The following FLNB variants were observed in gnomAD, a reference collection of about 807,000 sequenced individuals.
The protein encoded by FLNB is filamin-B.
A neutral mutation model predicts 250.6 loss-of-function variants in FLNB; 111 were observed. That is an observed-to-expected ratio of 0.44 (90% CI 0.38 to 0.52). The LOEUF is 0.52. FLNB is among the 20% of genes least tolerant of loss of function. The pLI, the probability that FLNB is intolerant of heterozygous loss-of-function variation, is 0.00. For missense variants in FLNB, 2,869 were observed against 3,447.8 expected (o/e 0.83, Z 4.20); for synonymous variants, 1,302 against 1,372.1 (o/e 0.95, Z 1.13).
In FLNB at chr3:58,163,253, G is replaced by A. The variant is rs186952950; in HGVS notation, c.7121G>A (p.Arg2374His). The A allele has an allele frequency of 7.2e-5, 117 of 1,614,240 alleles. No homozygotes were observed. Among genetic ancestry groups the A allele is most frequent in the Admixed American group, 1.3e-4 (8 of 60,028 alleles). Reference sequence around the variant, plus strand: ...GTGGTTGGAAGCCCCTTCAAAGTGCGCGTTGGGGAGCCTGGACAAGCGGGG... The same window carrying A: ...GTGGTTGGAAGCCCCTTCAAAGTGCACGTTGGGGAGCCTGGACAAGCGGGG... Reference protein sequence around the residue: ...SHVVGSPFKVRVGEPGQAGNP... With the variant: ...SHVVGSPFKVHVGEPGQAGNP... Residue 2374 changes from arginine to histidine, a missense_variant, in exon 43 of 46, where the codon CGC (arginine) becomes CAC (histidine). Physicochemically the swap from Arg to His is conservative, Grantham distance 29 (BLOSUM62 0). Transcript: ENST00000295956.
chr3:58,096,589 AC>A (rs1166045305), intron 6 of FLNB, among the ~76,000 whole-genome samples: 1 of 151,728 alleles, frequency 6.6e-6, no homozygotes, highest in Non-Finnish European at 1.5e-5. Flanking sequence ...GCTCACTGCA[AC>A]CCCCGCCTCC....
At chr3:58,070,727 T>C (rs1200840153) in intron 1 of FLNB, among the ~76,000 whole-genome samples, 1 of 150,848 alleles carries the variant, frequency 6.6e-6, no homozygotes, top group Non-Finnish European at 1.5e-5. Flanking sequence ...TGGTGCTATC[T>C]TGGCTCACTG....
intron 28 of FLNB, among the ~76,000 whole-genome samples, chr3:58,137,562 C>T (rs2097318528): frequency 6.6e-6 from 1 of 152,242 alleles, no homozygotes; most frequent in Non-Finnish European, 1.5e-5. Context: ...CCCTATTACT[C>T]CTACGCACTT....
Position 58,148,491 on chromosome 3 carries a change from G to A in FLNB, c.5887+127G>A, listed in dbSNP as rs182156674. On this transcript the variant is annotated intron_variant, in intron 35 of 45. Coordinates refer to ENST00000295956, the MANE Select transcript of FLNB (RefSeq NM_001457.4). Reference sequence around the variant, plus strand: ...ATGTGATAAACCTGCTGGGTCACACGCACGATAAATGCCCAAGCGTATTTG... The same window carrying A: ...ATGTGATAAACCTGCTGGGTCACACACACGATAAATGCCCAAGCGTATTTG... 322 of 1,281,246 alleles carry A rather than the reference G, an allele frequency of 2.5e-4. No homozygotes were observed. The African/African-American group carries it at 4.0e-3, about 16-fold the overall frequency. 79.4% of individuals were successfully genotyped at this position (1,281,246 alleles called of 1,614,324 possible).
intron 18 of FLNB, among the ~76,000 whole-genome samples, chr3:58,117,584 G>A (rs1456503169): frequency 6.6e-6 from 1 of 152,156 alleles, no homozygotes; most frequent in Non-Finnish European, 1.5e-5. Flanking sequence ...GGAATGCCAC[G>A]TTGGCTGAAG....
chr3:58,113,419 C>T (rs2097272425), intron 18 of FLNB, among the ~76,000 whole-genome samples: 2 of 152,214 alleles, frequency 1.3e-5, no homozygotes, highest in South Asian at 4.1e-4. Flanking sequence ...AGAAGCCTTG[C>T]TCCCGTCTGG....
At chr3:58,065,685 T>C (rs1242436550) in intron 1 of FLNB, among the ~76,000 whole-genome samples, 1 of 152,222 alleles carries the variant, frequency 6.6e-6, no homozygotes, top group Non-Finnish European at 1.5e-5. Flanking sequence ...AGTCTTTCCC[T>C]GGCATGGTTC....
At position 58,094,480 on chromosome 3, in the gene FLNB, CAG is replaced by C. The variant is rs1268722780; in HGVS notation, c.788-355_788-354del. Among the ~76,000 whole-genome samples the C allele has an allele frequency of 9.2e-5, 14 of 152,334 alleles. No individual in the cohort carries two copies. In the East Asian group the frequency reaches 2.7e-3, roughly 29 times the overall value. ...GATTGAATATAATTTTTAAAAATGTCAGGCAATACAATAAATGCTGTTTAATG... is the reference window on the plus strand; with the variant it reads ...GATTGAATATAATTTTTAAAAATGTCGCAATACAATAAATGCTGTTTAATG... On this transcript the variant is annotated intron_variant, in intron 4 of 45. Coordinates refer to ENST00000295956, the MANE Select transcript of FLNB (RefSeq NM_001457.4).
At chr3:58,119,025 T>C (rs745655020) in intron 19 of FLNB, 36 bp downstream of exon 19, 2 of 1,441,504 alleles carry the variant, frequency 1.4e-6, no homozygotes, top group Admixed American at 1.7e-5. Context: ...GGGTTGTTGA[T>C]GACCCCCCAA....
At chr3:58,057,285 C>T (rs912354886) in intron 1 of FLNB, among the ~76,000 whole-genome samples, 1 of 152,204 alleles carries the variant, frequency 6.6e-6, no homozygotes, top group Admixed American at 6.5e-5. Flanking sequence ...TGGCCTGCAA[C>T]TTCTATAAAT....
chr3:58,109,888 T>G (rs2097265594), intron 15 of FLNB, 122 bp from the exon 16 acceptor site: 1 of 1,440,302 alleles, frequency 6.9e-7, no homozygotes, highest in African/African-American at 1.4e-5. Flanking sequence ...TCCTTACTCT[T>G]TCTCAGGTTT....
At chr3:58,126,422 G>A (rs905216864) in intron 23 of FLNB, among the ~76,000 whole-genome samples, 180 bp from the exon 24 acceptor site, 3 of 152,120 alleles carry the variant, frequency 2.0e-5, no homozygotes, top group Non-Finnish European at 4.4e-5. Flanking sequence ...TGAAAATGAG[G>A]GGTCAGAGTG....
Position 58,138,476 on chromosome 3 carries a change from A to G in FLNB, c.5056A>G (p.Ile1686Val), listed in dbSNP as rs763028722. 1 of 1,614,182 alleles carries G rather than the reference A, an allele frequency of 6.2e-7. No homozygotes were observed. ...AGCTGCCAAGCCGGGCACATATGTG[A>G]TCTATGTGCGCTTCGGTGGTGTTGA... Reference protein sequence around the residue: ...YTAAKPGTYVIYVRFGGVDIP... With the variant: ...YTAAKPGTYVVYVRFGGVDIP... Residue 1686 changes from isoleucine (I) to valine (V), a missense_variant, in exon 29 of 46, where the codon ATC (isoleucine) becomes GTC (valine). Physicochemically the swap from Ile to Val is conservative, Grantham distance 29. Coordinates refer to ENST00000295956, the MANE Select transcript of FLNB (RefSeq NM_001457.4).
At chr3:58,117,292 C>G (rs1314421491) in intron 18 of FLNB, among the ~76,000 whole-genome samples, 8 of 152,052 alleles carry the variant, frequency 5.3e-5, no homozygotes, top group Admixed American at 5.2e-4. Context: ...TTTCCCTCCC[C>G]CTTCTTAGGT....
chr3:58,020,072 T>TGC (rs2097111534), intron 1 of FLNB, among the ~76,000 whole-genome samples: 2 of 151,540 alleles, frequency 1.3e-5, no homozygotes, highest in South Asian at 4.2e-4. Flanking sequence ...TGTGTGTGTG[T>TGC]GTGTGTGTGT....
rs374460783 is a variant in FLNB at position 58,112,104 on chromosome 3, T to C, written c.2576-45T>C. 2.1e-5 allele frequency: 34 copies of C among 1,593,426 alleles called. No homozygotes were observed. In the African/African-American group the frequency reaches 4.0e-4, roughly 19 times the overall value. ...GTCTGACGGGTTCTCAAAGTGAAAC[T>C]ACTCCAGCTGGTCTGTCTCCTCACT... On this transcript the variant is annotated intron_variant, in intron 17 of 45. Coordinates refer to ENST00000295956, the MANE Select transcript of FLNB (RefSeq NM_001457.4).
rs558185457 is a variant in FLNB at position 58,037,597 on chromosome 3, A to AT, written c.292+28747dup. On this transcript the variant is annotated intron_variant, in intron 1 of 45. Transcript: ENST00000295956. ...CGAAAGCCCCCAGGTAGAATTATTC[A>AT]TTTTTTCCCTTGCATTCCCACAGCA... 2.2e-4 allele frequency among the ~76,000 whole-genome samples: 33 copies of AT among 152,038 alleles called. No individual in the cohort carries two copies. In the East Asian group the frequency reaches 6.4e-3, roughly 29 times the overall value.
chr3:58,101,550 C>T (rs1335600187), intron 8 of FLNB, among the ~76,000 whole-genome samples: 17 of 152,162 alleles, frequency 1.1e-4, no homozygotes, highest in Admixed American at 6.5e-4. Context: ...AAGCTAGACC[C>T]GGAAATGAAA....
chr3:58,148,634 T>G lies in FLNB; in HGVS notation c.5888-15T>G, dbSNP rs1281414669. On this transcript the variant is annotated splice_polypyrimidine_tract_variant and intron_variant, in intron 35 of 45. Coordinates refer to ENST00000295956, the MANE Select transcript of FLNB (RefSeq NM_001457.4). Reference sequence around the variant, plus strand: ...CGCCATCCCCTTACAAGCCCCAATCTGTGTTCTGGTCCAGGCATCTCCTTC... The same window carrying G: ...CGCCATCCCCTTACAAGCCCCAATCGGTGTTCTGGTCCAGGCATCTCCTTC... The G allele has an allele frequency of 1.2e-6, 2 of 1,610,754 alleles. No individual in the cohort carries two copies. The highest frequency in any genetic ancestry group is 1.7e-6 in the Non-Finnish European group (2 of 1,177,088).
Sources: allele counts gnomAD v4.1 joint callset (sites outside exome capture counted in the v4.1 genomes callset), GRCh38; gene constraint gnomAD v4.1.1; transcripts MANE v1.5; gene names NCBI Gene and HGNC (gene_info 2026-07-23, HGNC 2026-07-21).